The following PRELID2 variants were observed in gnomAD, a reference collection of about 807,000 sequenced individuals.
PRELID2 encodes the protein PRELI domain-containing protein 2.
Under a neutral mutation model 28.4 loss-of-function variants are expected in PRELID2, and 25 were observed. The observed-to-expected ratio is 0.88, with a 90% confidence interval of 0.64 to 1.23. The LOEUF (loss-of-function observed/expected upper bound fraction) is 1.23, where lower values mean the gene tolerates loss of function less well. Among genes scored for constraint, PRELID2 ranks in the 50% most tolerant of loss-of-function variants. PRELID2 has a pLI of 0.00. For missense variants in PRELID2, 201 were observed against 214.4 expected, an observed-to-expected ratio of 0.94 and a Z score of 0.39; for synonymous variants, 76 against 71.6, an observed-to-expected ratio of 1.06 and a Z score of -0.31.
chr5:145,279,989 T>G, the PRELID2 span, among the ~76,000 whole-genome samples: 7 of 152,150 alleles, frequency 4.6e-5, no homozygotes, highest in African/African-American at 1.7e-4. Flanking sequence ...AATGAATGAT[T>G]GGCTTATCTT....
intron 4 of PRELID2, among the ~76,000 whole-genome samples, chr5:145,803,955 A>C (rs978672527): frequency 2.0e-5 from 3 of 151,990 alleles, no homozygotes; most frequent in Non-Finnish European, 2.9e-5. Flanking sequence ...CTCCTGTCCC[A>C]CCCTGCTACC....
chr5:145,605,909 T>C (rs1294248742), intron 1 of PRELID2, among the ~76,000 whole-genome samples: 1 of 152,124 alleles, frequency 6.6e-6, no homozygotes, highest in Non-Finnish European at 1.5e-5. Context: ...GTATGGAATG[T>C]ATTTCCATTT....
the PRELID2 span, among the ~76,000 whole-genome samples, chr5:145,437,761 TAG>T: frequency 7.9e-5 from 12 of 152,116 alleles, no homozygotes; most frequent in South Asian, 2.5e-3. Context: ...CCTCTGTTTT[TAG>T]AGATAAGAAC....
intron 1 of PRELID2, among the ~76,000 whole-genome samples, chr5:145,545,075 A>G (rs1237147733): frequency 6.6e-6 from 1 of 152,154 alleles, no homozygotes; most frequent in East Asian, 1.9e-4. Context: ...GAATCACAAA[A>G]TCTTTTGTAA....
chr5:145,462,184 T>C, the PRELID2 span, among the ~76,000 whole-genome samples: 2 of 152,284 alleles, frequency 1.3e-5, no homozygotes, highest in African/African-American at 4.8e-5. Flanking sequence ...AGAGCACTGA[T>C]ACAATAAAAT....
At chr5:145,259,089 G>T in the PRELID2 span, among the ~76,000 whole-genome samples, 108 of 152,322 alleles carry the variant, frequency 7.1e-4, 2 homozygotes, top group South Asian at 0.022. Context: ...TATTAAGCTT[G>T]TGGGTGCATA....
chr5:145,333,656 G>C, the PRELID2 span, among the ~76,000 whole-genome samples: 1 of 152,104 alleles, frequency 6.6e-6, no homozygotes, highest in African/African-American at 2.4e-5. Flanking sequence ...ACTTCAGACT[G>C]CTTTGCTGGC....
chr5:145,516,446 C>G (rs1752517937), intron 1 of PRELID2, among the ~76,000 whole-genome samples: 1 of 152,116 alleles, frequency 6.6e-6, no homozygotes, highest in African/African-American at 2.4e-5. Context: ...TGAAGGACCT[C>G]TTCAGAGAGA....
chr5:145,640,932 G>A (rs577740843), intron 1 of PRELID2, among the ~76,000 whole-genome samples: 1 of 152,066 alleles, frequency 6.6e-6, no homozygotes, highest in Non-Finnish European at 1.5e-5. Context: ...AATAAATAGT[G>A]GTAGAACAAT....
chr5:145,290,639 T>C, the PRELID2 span, among the ~76,000 whole-genome samples: 322 of 150,150 alleles, frequency 2.1e-3, 3 homozygotes, highest in African/African-American at 7.5e-3. Context: ...TTAGGAGAAA[T>C]ACCTAATGTA....
At chr5:145,597,370 A>G (rs1410574784) in intron 1 of PRELID2, among the ~76,000 whole-genome samples, 1 of 152,202 alleles carries the variant, frequency 6.6e-6, no homozygotes, top group Non-Finnish European at 1.5e-5. Context: ...ATGACATAAC[A>G]GATCTGGAAA....
At chr5:145,554,357 C>G (rs1043167889) in intron 1 of PRELID2, among the ~76,000 whole-genome samples, 4 of 152,060 alleles carry the variant, frequency 2.6e-5, no homozygotes, top group Admixed American at 6.5e-5. Flanking sequence ...AAGGAGCAAC[C>G]TTTAGAAATT....
intron 1 of PRELID2, among the ~76,000 whole-genome samples, chr5:145,671,049 A>G (rs1754696699): frequency 6.6e-6 from 1 of 152,188 alleles, no homozygotes; most frequent in African/African-American, 2.4e-5. Flanking sequence ...TAGGTATTCA[A>G]TAAGCTAATG....
chr5:145,721,080 CA>C (rs1247646559), intron 1 of PRELID2, among the ~76,000 whole-genome samples: 1 of 152,058 alleles, frequency 6.6e-6, no homozygotes, highest in Non-Finnish European at 1.5e-5. Context: ...AATTATTTCA[CA>C]TTTTTGCAAA....
the PRELID2 span, among the ~76,000 whole-genome samples, chr5:145,325,616 T>G: frequency 6.6e-6 from 1 of 152,264 alleles, no homozygotes; most frequent in East Asian, 1.9e-4. Flanking sequence ...AATAAGAAAG[T>G]TAAAGTTAAA....
the PRELID2 span, among the ~76,000 whole-genome samples, chr5:145,337,109 T>G: frequency 6.7e-6 from 1 of 150,278 alleles, no homozygotes; most frequent in Non-Finnish European, 1.5e-5. Flanking sequence ...ACTTGAAGTA[T>G]AATAATAATA....
chr5:145,545,967 T>A (rs1752783551), intron 1 of PRELID2, among the ~76,000 whole-genome samples: 1 of 152,138 alleles, frequency 6.6e-6, no homozygotes, highest in Non-Finnish European at 1.5e-5. Context: ...AATCTATAGA[T>A]AATCTGAGGT....
At position 145,489,666 on chromosome 5, in the gene PRELID2, C is replaced by A. The variant is rs139286285; in HGVS notation, n.71-16351G>T. Among the ~76,000 whole-genome samples, 302 of 152,272 alleles carry A rather than the reference C, an allele frequency of 2.0e-3. 1 individual carries two copies. Among genetic ancestry groups the A allele is most frequent in the African/African-American group, 6.9e-3 (286 of 41,556 alleles). On this transcript the variant is annotated intron_variant and non_coding_transcript_variant, in intron 1 of 2. Coordinates refer to the PRELID2 transcript ENST00000510259. ...TTAAAAGCGAGCAGGGATCATAATACAAAATCACCTGTACCTTCAGTGTTG... is the reference window on the plus strand; with the variant it reads ...TTAAAAGCGAGCAGGGATCATAATAAAAAATCACCTGTACCTTCAGTGTTG...
the PRELID2 span, among the ~76,000 whole-genome samples, chr5:145,405,705 T>G: frequency 2.8e-5 from 4 of 143,082 alleles, no homozygotes; most frequent in East Asian, 2.2e-4. Flanking sequence ...CATAGTTGTT[T>G]TTTTTTTTTT....
Sources: allele counts gnomAD v4.1 joint callset (sites outside exome capture counted in the v4.1 genomes callset), GRCh38; gene constraint gnomAD v4.1.1; transcripts MANE v1.5; gene names NCBI Gene and HGNC (gene_info 2026-07-23, HGNC 2026-07-21).